The following PER2 variants were observed in gnomAD, a reference collection of about 807,000 sequenced individuals.
The protein encoded by PER2 is period circadian regulator 2.
A neutral mutation model predicts 121.0 loss-of-function variants in PER2; 66 were observed. The ratio of observed to expected loss-of-function variants is 0.55; its 90% CI spans 0.45 to 0.67. The LOEUF (loss-of-function observed/expected upper bound fraction) is 0.67. PER2 is among the 30% of genes least tolerant of loss of function. The pLI, the probability that PER2 is intolerant of heterozygous loss-of-function variation, is 0.00. For missense variants in PER2, 1,521 were observed against 1,635.0 expected, an observed-to-expected ratio of 0.93 and a Z score of 1.20; for synonymous variants, 684 against 659.9, an observed-to-expected ratio of 1.04 and a Z score of -0.56.
intron 1 of PER2, among the ~76,000 whole-genome samples, chr2:238,284,159 G>A (rs1036756645): frequency 2.6e-5 from 4 of 152,076 alleles, no homozygotes; most frequent in African/African-American, 7.2e-5. Flanking sequence ...AAAAACAGAC[G>A]GCGGCTGGGC....
At chr2:238,277,631 C>A (rs891162842) in intron 2 of PER2, 76 bp downstream of exon 2, 2 of 1,511,870 alleles carry the variant, frequency 1.3e-6, no homozygotes, top group African/African-American at 2.7e-5. Flanking sequence ...ATTGCAAAAG[C>A]AATCAAATCA....
intron 18 of PER2, 174 bp downstream of exon 18, chr2:238,255,483 C>G (rs1446281465): frequency 7.0e-6 from 5 of 716,786 alleles, no homozygotes; most frequent in South Asian, 1.6e-5. Context: ...AGAGCACCCC[C>G]CCGGTGGGAA....
chr2:238,260,923 C>T lies in PER2; in HGVS notation c.1447G>A (p.Gly483Arg), dbSNP rs749365121. 3 of 1,613,172 alleles carry T rather than the reference C, an allele frequency of 1.9e-6. No individual in the cohort carries two copies. The highest frequency in any genetic ancestry group is 1.3e-5 in the African/African-American group (1 of 75,058). ...PVPHSGSSGY[G>R]SLGSNGSHEH... Reference sequence around the variant, plus strand: ...TGGGACCCGTTGCTGCCCAGACTCCCGTAGCCACTGGAGCCGCTGTGGGGG... The same window carrying T: ...TGGGACCCGTTGCTGCCCAGACTCCTGTAGCCACTGGAGCCGCTGTGGGGG... The change falls in exon 13 of 23, where the codon GGG (glycine) becomes AGG (arginine). Residue 483 changes from glycine to arginine, a missense_variant. Gly to Arg is a moderately radical substitution (Grantham distance 125). Transcript: ENST00000254657.
intron 1 of PER2, among the ~76,000 whole-genome samples, chr2:238,283,349 C>T (rs1249484460): frequency 6.6e-6 from 1 of 152,254 alleles, no homozygotes; most frequent in Non-Finnish European, 1.5e-5. Context: ...GACTTTTCTT[C>T]CTTACCTCCC....
chr2:238,281,856 C>G (rs1354777906), intron 1 of PER2, among the ~76,000 whole-genome samples: 2 of 152,174 alleles, frequency 1.3e-5, no homozygotes, highest in Non-Finnish European at 2.9e-5. Flanking sequence ...TCCAGGAATC[C>G]ATTGCAGAGA....
intron 8 of PER2, among the ~76,000 whole-genome samples, chr2:238,265,903 G>A (rs1024415512): frequency 1.3e-5 from 2 of 150,284 alleles, no homozygotes; most frequent in African/African-American, 2.5e-5. Context: ...CCATCTTTAC[G>A]ATTTTTTTTT....
chr2:238,252,848 G>A lies in PER2; in HGVS notation c.3111+64C>T, dbSNP rs1255884079. On this transcript the variant is annotated intron_variant, in intron 19 of 22. Transcript: ENST00000254657. This position sits in a 1 kb window ranked among gnomAD's most constrained non-coding sequence, Gnocchi z 4.2. ...CCCCATGTCTGAACTGAGGATGTGCGGCCGGCCTGCCAGGTGTGCTGTTTG... is the reference window on the plus strand; with the variant it reads ...CCCCATGTCTGAACTGAGGATGTGCAGCCGGCCTGCCAGGTGTGCTGTTTG... The A allele has an allele frequency of 7.2e-6, 10 of 1,398,398 alleles. No homozygotes were observed. Among genetic ancestry groups the A allele is most frequent in the African/African-American group, 4.2e-5 (3 of 71,022 alleles). The allele number at this position is 1,398,398 out of a possible 1,614,324, so 86.6% of individuals were successfully genotyped here. A position where few individuals can be genotyped will look rare whatever the true frequency, so the allele number is the denominator to read the frequency against.
intron 2 of PER2, 141 bp downstream of exon 2, chr2:238,277,566 G>C: frequency 1.0e-6 from 1 of 999,458 alleles, no homozygotes; most frequent in Non-Finnish European, 1.5e-6. Flanking sequence ...ACAGACACTG[G>C]CACATTTTAG....
intron 1 of PER2, among the ~76,000 whole-genome samples, chr2:238,285,020 G>A (rs1229442534): frequency 6.6e-6 from 1 of 151,654 alleles, no homozygotes; most frequent in East Asian, 1.9e-4. Context: ...CGGGTAGGGG[G>A]AGGGAGGGTG....
At chr2:238,269,076 C>A (rs1247515006) in intron 6 of PER2, 102 bp from the exon 7 acceptor site, 25 of 948,036 alleles carry the variant, frequency 2.6e-5, no homozygotes. Flanking sequence ...AAGCAAGATT[C>A]AAGGTGAAAA....
Position 238,260,877 on chromosome 2 carries a change from G to A in PER2, c.1493C>T (p.Thr498Ile), listed in dbSNP as rs756522468. 1.2e-6 allele frequency: 2 copies of A among 1,614,002 alleles called. No individual in the cohort carries two copies. Among genetic ancestry groups the A allele is most frequent in the Non-Finnish European group, 1.7e-6 (2 of 1,180,024 alleles). The change falls in exon 13 of 23, where the codon ACC becomes ATC. Residue 498 changes from threonine (T) to isoleucine (I), a missense_variant. Coordinates refer to ENST00000254657, the MANE Select transcript of PER2 (RefSeq NM_022817.3). ...NGSHEHLMSQTSSSDSNGHED... is the reference protein window; with the variant it reads ...NGSHEHLMSQISSSDSNGHED... ...ATGGCCGTTGCTGTCGCTGGAGGAG[G>A]TCTGGCTCATAAGGTGCTCGTGGGA...
In PER2 at chr2:238,262,305, A is replaced by G; in HGVS notation, c.1193T>C (p.Ile398Thr). Reference sequence around the variant, plus strand: ...CTCTCCGTTCCGGGCGCGAAACCGAATGGGAGAATAGTCGAAAGGCTGCCC... The same window carrying G: ...CTCTCCGTTCCGGGCGCGAAACCGAGTGGGAGAATAGTCGAAAGGCTGCCC... ...SGGQPFDYSP[I>T]RFRARNGEYI... Residue 398 changes from isoleucine to threonine, a missense_variant, in exon 11 of 23, where the codon ATT (isoleucine) becomes ACT (threonine). By Grantham distance (89) the Ile-to-Thr change is moderately conservative. Transcript: ENST00000254657. The G allele has an allele frequency of 6.2e-7, 1 of 1,613,998 alleles. No individual in the cohort carries two copies. Among genetic ancestry groups the G allele is most frequent in the Admixed American group, 1.7e-5 (1 of 60,020 alleles).
At chr2:238,297,430 T>C in the PER2 span, among the ~76,000 whole-genome samples, 5 of 152,100 alleles carry the variant, frequency 3.3e-5, no homozygotes, top group African/African-American at 1.2e-4. Context: ...CTCTGAATCC[T>C]CTGAGAAGGG....
At chr2:238,277,460 C>T (rs1247291133) in intron 2 of PER2, among the ~76,000 whole-genome samples, 2 of 152,180 alleles carry the variant, frequency 1.3e-5, no homozygotes, top group Non-Finnish European at 2.9e-5. Flanking sequence ...CTGGGTTACC[C>T]ACCACTGCTA....
At chr2:238,250,464 C>G in intron 21 of PER2, 87 bp downstream of exon 21, 1 of 921,602 alleles carries the variant, frequency 1.1e-6, no homozygotes, top group Non-Finnish European at 1.7e-6. Context: ...GCGTCCCGCC[C>G]CATCTGAATG....
At chr2:238,262,415 C>A in intron 10 of PER2, 71 bp from the exon 11 acceptor site, 1 of 1,485,434 alleles carries the variant, frequency 6.7e-7, no homozygotes, top group South Asian at 1.1e-5. Context: ...AGAGACAAGT[C>A]AAGAGTCACT....
chr2:238,273,262 C>T (rs1365936378), intron 4 of PER2, 71 bp from the exon 5 acceptor site: 20 of 1,507,876 alleles, frequency 1.3e-5, no homozygotes, highest in Admixed American at 3.6e-5. Context: ...CTAGCTCTTA[C>T]AAACTGAGGG....
At position 238,253,083 on chromosome 2, in the gene PER2, G is replaced by A; in HGVS notation, c.2940C>T (p.Leu980=). 6.2e-7 allele frequency: 1 copy of A among 1,611,722 alleles called. No homozygotes were observed. Among genetic ancestry groups the A allele is most frequent in the South Asian group, 1.1e-5 (1 of 91,028 alleles). ...GGGGCGAGCTGCTGCGGGACTGAAAGAGCGGTGGGGAGGCCCTACCCATGG... is the reference window on the plus strand; with the variant it reads ...GGGGCGAGCTGCTGCGGGACTGAAAAAGCGGTGGGGAGGCCCTACCCATGG... ...PSAMGRASPP[L]FQSRSSSPLQ... is the part of the protein sequence containing the mutation. The change falls in exon 19 of 23, where the codon CTC becomes CTT. Residue 980 remains leucine, a synonymous_variant. Transcript: ENST00000254657. The surrounding 1 kb of genome is among the most constrained non-coding windows in gnomAD (Gnocchi z 5.6).
At chr2:238,295,976 G>C in the PER2 span, 3 of 261,010 alleles carry the variant, frequency 1.1e-5, no homozygotes, top group Non-Finnish European at 1.5e-5. Flanking sequence ...TGAAGCAAAT[G>C]GTAGGTCAGG....
Sources: allele counts gnomAD v4.1 joint callset (sites outside exome capture counted in the v4.1 genomes callset), GRCh38; gene constraint gnomAD v4.1.1; non-coding constraint Gnocchi (gnomAD v3.1); transcripts MANE v1.5; gene names NCBI Gene and HGNC (gene_info 2026-07-23, HGNC 2026-07-21).